KSR1: variants seen among roughly 807,000 people sequenced by gnomAD.
KSR1 encodes kinase suppressor of ras.
Under a neutral mutation model 92.9 loss-of-function variants are expected in KSR1, and 35 were observed. The observed-to-expected ratio is 0.38, with a 90% CI of 0.29 to 0.50. The LOEUF (loss-of-function observed/expected upper bound fraction) is 0.50. Ranked by LOEUF, KSR1 falls within the 20% of genes least tolerant of loss-of-function variation. The pLI is 0.94. For missense variants in KSR1, 972 were observed against 1,158.5 expected (o/e 0.84, Z 2.34); for synonymous variants, 467 against 472.6 (o/e 0.99, Z 0.15).
chr17:27,492,249 G>T (rs73983441), intron 1 of KSR1, among the ~76,000 whole-genome samples: 1,532 of 152,302 alleles, frequency 0.01, 21 homozygotes, highest in African/African-American at 0.034. Context: ...TGGTTCAGGG[G>T]TGAGCAAAGC....
intron 1 of KSR1, among the ~76,000 whole-genome samples, chr17:27,491,943 G>T (rs958005038): frequency 2.6e-5 from 4 of 152,190 alleles, no homozygotes; most frequent in African/African-American, 7.2e-5. Context: ...CAGTTGGTAG[G>T]CTGTGAGCAG....
intron 1 of KSR1, among the ~76,000 whole-genome samples, chr17:27,532,622 G>A (rs1470151713): frequency 6.6e-6 from 1 of 152,242 alleles, no homozygotes; most frequent in Non-Finnish European, 1.5e-5. Flanking sequence ...TTTGTCAGCG[G>A]GTGGGACGGG....
chr17:27,470,888 TCAGA>T (rs2019962959), intron 1 of KSR1, among the ~76,000 whole-genome samples: 1 of 151,578 alleles, frequency 6.6e-6, no homozygotes, highest in Non-Finnish European at 1.5e-5. Flanking sequence ...TTTTTAAATT[TCAGA>T]CAGAGACTCA....
At chr17:27,621,123 A>G in intron 19 of KSR1, 70 bp from the exon 20 acceptor site, 1 of 397,798 alleles carries the variant, frequency 2.5e-6, no homozygotes, top group Non-Finnish European at 4.4e-6. Flanking sequence ...CACGTGCCTG[A>G]CTCCATCACA....
At chr17:27,609,716 T>C in intron 16 of KSR1, 1 of 337,814 alleles carries the variant, frequency 3.0e-6, no homozygotes, top group Non-Finnish European at 5.5e-6. Context: ...GCAGCAAGGC[T>C]GCAAGGCCAG....
intron 1 of KSR1, among the ~76,000 whole-genome samples, chr17:27,535,487 G>C (rs530295046): frequency 1.3e-5 from 2 of 152,188 alleles, no homozygotes; most frequent in Non-Finnish European, 2.9e-5. Context: ...TTGTTAAAAG[G>C]GTGTGGATGC....
Position 27,623,682 on chromosome 17 carries a change from C to T in KSR1, c.*290C>T. On this transcript the variant is annotated 3_prime_UTR_variant, in exon 21 of 21. Transcript: ENST00000644974. ...GTTTTACAATAGGTAATAATAAAAACAGTCTGTGCAGATGCACTGGCACTG... is the reference window on the plus strand; with the variant it reads ...GTTTTACAATAGGTAATAATAAAAATAGTCTGTGCAGATGCACTGGCACTG... 3.3e-6 allele frequency: 2 copies of T among 597,602 alleles called. No individual in the cohort carries two copies. The highest frequency in any genetic ancestry group is 4.2e-5 in the South Asian group (2 of 48,020). The allele number at this position is 597,602 out of a possible 1,614,324, so 37.0% of individuals were successfully genotyped here.
intron 7 of KSR1, among the ~76,000 whole-genome samples, chr17:27,591,648 T>G (rs999825497): frequency 3.3e-5 from 5 of 152,248 alleles, no homozygotes; most frequent in African/African-American, 9.6e-5. Flanking sequence ...CCAGCGACTC[T>G]CCTGACCTCT....
intron 1 of KSR1, among the ~76,000 whole-genome samples, chr17:27,542,513 C>T (rs1441761755): frequency 6.6e-6 from 1 of 152,102 alleles, no homozygotes; most frequent in Non-Finnish European, 1.5e-5. Context: ...CTAACATAGC[C>T]AAGATCATGG....
intron 1 of KSR1, among the ~76,000 whole-genome samples, chr17:27,512,592 G>A (rs923684576): frequency 9.2e-5 from 14 of 152,306 alleles, no homozygotes; most frequent in Admixed American, 6.5e-5. Flanking sequence ...ATGTGGTGGC[G>A]TATGCTTGTA....
chr17:27,571,080 G>T (rs2072287737), intron 2 of KSR1, among the ~76,000 whole-genome samples: 1 of 152,198 alleles, frequency 6.6e-6, no homozygotes, highest in Non-Finnish European at 1.5e-5. Flanking sequence ...CACTGTGTTG[G>T]CCTCTAGGGA....
At chr17:27,527,006 C>A in intron 1 of KSR1, 3 of 514,506 alleles carry the variant, frequency 5.8e-6, no homozygotes, top group Non-Finnish European at 3.7e-6. Context: ...TCTCCCAGCC[C>A]TTCTTCAGCT....
chr17:27,505,644 A>AT (rs1597901659), intron 1 of KSR1, among the ~76,000 whole-genome samples: 1 of 152,316 alleles, frequency 6.6e-6, no homozygotes, highest in East Asian at 1.9e-4. Flanking sequence ...TGGTAGCAGT[A>AT]TCTCCCTCAG....
At chr17:27,535,235 C>G (rs2070712168) in intron 1 of KSR1, among the ~76,000 whole-genome samples, 1 of 152,162 alleles carries the variant, frequency 6.6e-6, no homozygotes, top group Non-Finnish European at 1.5e-5. Context: ...ACCCCTGAGC[C>G]TTGGTTTGCA....
chr17:27,538,830 G>A (rs1413304178), intron 1 of KSR1, among the ~76,000 whole-genome samples: 1 of 152,162 alleles, frequency 6.6e-6, no homozygotes, highest in East Asian at 1.9e-4. Context: ...GGTGTCTGGG[G>A]CACTCATCTG....
chr17:27,486,662 C>T (rs749509454), intron 1 of KSR1, among the ~76,000 whole-genome samples: 12 of 152,180 alleles, frequency 7.9e-5, no homozygotes, highest in Non-Finnish European at 1.3e-4. Flanking sequence ...CCCTGTGACT[C>T]CTACCTTGGG....
At chr17:27,548,044 G>A (rs1458099781) in intron 1 of KSR1, among the ~76,000 whole-genome samples, 1 of 151,634 alleles carries the variant, frequency 6.6e-6, no homozygotes, top group African/African-American at 2.4e-5. Context: ...TTTGATAAAT[G>A]TGTTTAAATA....
chr17:27,577,563 G>A lies in KSR1; in HGVS notation c.444G>A (p.Arg148=). 3.1e-6 allele frequency: 5 copies of A among 1,605,800 alleles called. No individual in the cohort carries two copies. The highest frequency in any genetic ancestry group is 3.4e-6 in the Non-Finnish European group (4 of 1,178,830). Residue 148 remains arginine, a synonymous_variant, in exon 3 of 21, where the codon CGG becomes CGA. Transcript: ENST00000644974. This position sits in a 1 kb window ranked among gnomAD's most constrained non-coding sequence, Gnocchi z 4.5. Reference sequence around the variant, plus strand: ...AGGCCAAGGTGAAGGAGACGCTGCGGCGCTGTGGGGCCAGCGGGGATGAGT... The same window carrying A: ...AGGCCAAGGTGAAGGAGACGCTGCGACGCTGTGGGGCCAGCGGGGATGAGT... The part of the protein sequence containing the change: ...MNEAKVKETL[R]RCGASGDECG...
At chr17:27,584,390 C>G (rs1431665445) in intron 4 of KSR1, among the ~76,000 whole-genome samples, 1 of 152,052 alleles carries the variant, frequency 6.6e-6, no homozygotes, top group Non-Finnish European at 1.5e-5. Context: ...AGTATGCTGC[C>G]CAAGGAGGAG....
Sources: allele counts gnomAD v4.1 joint callset (sites outside exome capture counted in the v4.1 genomes callset), GRCh38; gene constraint gnomAD v4.1.1; non-coding constraint Gnocchi (gnomAD v3.1); transcripts MANE v1.5; gene names NCBI Gene and HGNC (gene_info 2026-07-23, HGNC 2026-07-21).